Variants in HTRA3 observed in about 807,000 individuals in gnomAD.
The protein encoded by HTRA3 is serine protease HTRA3.
A neutral mutation model predicts 43.2 loss-of-function variants in HTRA3; 41 were observed. The ratio of observed to expected loss-of-function variants is 0.95; its 90% CI spans 0.74 to 1.23. HTRA3 has a LOEUF of 1.23. Ranked by LOEUF, HTRA3 falls within the 50% of genes most tolerant of loss-of-function variation. The pLI is 0.00. For synonymous variants in HTRA3, 295 were observed against 287.9 expected (o/e 1.02, Z -0.25); for missense variants, 628 against 647.1 (o/e 0.97, Z 0.32).
At position 8,291,564 on chromosome 4, in the gene HTRA3, C is replaced by T. The variant is rs763506304; in HGVS notation, c.903C>T (p.Asn301=). The T allele has an allele frequency of 6.3e-6, 10 of 1,578,110 alleles. No individual in the cohort carries two copies. The highest frequency in any genetic ancestry group is 1.9e-4 in the Middle Eastern group (1 of 5,142). ...ACATCCAGACGGATGCCATCATCAA[C>T]GTGAGTCCCAGGGACAGGAGGCCGG... is the stretch of plus-strand genomic sequence containing the variant. ...MDYIQTDAII[N]YGNSGGPLVN... Residue 301 remains asparagine, a splice_region_variant and synonymous_variant, in exon 4 of 9, where the codon AAC becomes AAT. Coordinates refer to ENST00000307358, the MANE Select transcript of HTRA3 (RefSeq NM_053044.5).
In HTRA3 at chr4:8,294,141, G is replaced by T; in HGVS notation, c.991G>T (p.Ala331Ser). 6.2e-7 allele frequency: 1 copy of T among 1,612,750 alleles called. No individual in the cohort carries two copies. The highest frequency in any genetic ancestry group is 8.5e-7 in the Non-Finnish European group (1 of 1,179,414). ...TLKVTAGISF[A>S]IPSDRITRFL... ...CAAGGTCACGGCTGGCATCTCCTTT[G>T]CCATCCCCTCAGACCGCATCACACG... The change falls in exon 6 of 9, where the codon GCC becomes TCC. Residue 331 changes from alanine (A) to serine (S), a missense_variant. By Grantham distance (99) the Ala-to-Ser change is moderately conservative. Coordinates refer to ENST00000307358, the MANE Select transcript of HTRA3 (RefSeq NM_053044.5).
intron 5 of HTRA3, among the ~76,000 whole-genome samples, chr4:8,292,879 C>T (rs1457082333): frequency 2.6e-5 from 4 of 152,116 alleles, no homozygotes; most frequent in Non-Finnish European, 5.9e-5. Context: ...TGTGAACAAG[C>T]CCAAGCACCA....
rs1463942609 is a variant in HTRA3, at chr4:8,295,179, C to T, written c.1051+978C>T. Reference sequence around the variant, plus strand: ...TCCATCCATCCGTCTACCCACCTGTCCCTCTATCCCTGTCCGTCTATTCTT... The same window carrying T: ...TCCATCCATCCGTCTACCCACCTGTTCCTCTATCCCTGTCCGTCTATTCTT... On this transcript the variant is annotated intron_variant, in intron 6 of 8. Transcript: ENST00000307358. This position sits in a 1 kb window ranked among gnomAD's most constrained non-coding sequence, Gnocchi z 6.9. Among the ~76,000 whole-genome samples the T allele has an allele frequency of 6.6e-6, 1 of 152,158 alleles. No homozygotes were observed. The highest frequency in any genetic ancestry group is 1.5e-5 in the Non-Finnish European group (1 of 68,016).
At chr4:8,288,306 C>A (rs1713076930) in intron 3 of HTRA3, among the ~76,000 whole-genome samples, 1 of 152,142 alleles carries the variant, frequency 6.6e-6, no homozygotes, top group South Asian at 2.1e-4. Context: ...GGGGTTTTGC[C>A]CTTGTTGCCC....
At chr4:8,277,834 C>T (rs1370328442) in intron 1 of HTRA3, among the ~76,000 whole-genome samples, 1 of 152,204 alleles carries the variant, frequency 6.6e-6, no homozygotes, top group East Asian at 1.9e-4. Context: ...ACTCATGGCT[C>T]CTCCATCCCC....
chr4:8,270,296 G>A lies in HTRA3; in HGVS notation c.328G>A (p.Ala110Thr), dbSNP rs1578782914. The change falls in exon 1 of 9, where the codon GCG becomes ACG. Residue 110 changes from alanine (A) to threonine (T), a missense_variant. Physicochemically the swap from Ala to Thr is moderately conservative, Grantham distance 58. Transcript: ENST00000307358. ...VCALQAASRR[A>T]LQLSGTPVRQ... ...CGCGCTGCAGGCGGCCAGCCGCCGC[G>A]CGCTGCAGCTCTCCGGGACGCCCGT... 2 of 1,480,502 alleles carry A rather than the reference G, an allele frequency of 1.4e-6. No individual in the cohort carries two copies. Among genetic ancestry groups the A allele is most frequent in the African/African-American group, 1.5e-5 (1 of 68,394 alleles). The allele number at this position is 1,480,502 out of a possible 1,614,324, so 91.7% of individuals were successfully genotyped here. A position where few individuals can be genotyped will look rare whatever the true frequency, so the allele number is the denominator to read the frequency against.
intron 1 of HTRA3, among the ~76,000 whole-genome samples, chr4:8,280,035 A>C (rs539727957): frequency 6.6e-6 from 1 of 152,100 alleles, no homozygotes; most frequent in Non-Finnish European, 1.5e-5. Context: ...TGCCTGGAGG[A>C]GGCAGGATTA....
chr4:8,281,956 C>A (rs373849332), intron 1 of HTRA3, among the ~76,000 whole-genome samples: 4 of 152,232 alleles, frequency 2.6e-5, no homozygotes, highest in Admixed American at 2.0e-4. Context: ...TTCCACTACA[C>A]CCCCGCCTGG....
intron 3 of HTRA3, among the ~76,000 whole-genome samples, chr4:8,288,723 C>T (rs1398339727): frequency 2.6e-5 from 4 of 151,738 alleles, no homozygotes; most frequent in Admixed American, 6.6e-5. Context: ...TAGGTGCATG[C>T]CACCACCCTC....
At chr4:8,299,841 C>CATTTTT (rs1553821600) in intron 6 of HTRA3, among the ~76,000 whole-genome samples, 5 of 140,710 alleles carry the variant, frequency 3.6e-5, no homozygotes, top group African/African-American at 5.3e-5. Context: ...ATGTATTATC[C>CATTTTT]TTTTTTTTTT....
At chr4:8,292,414 C>T in intron 5 of HTRA3, 61 bp downstream of exon 5, 1 of 1,432,888 alleles carries the variant, frequency 7.0e-7, no homozygotes, top group Non-Finnish European at 9.8e-7. Context: ...CATGGGGGTG[C>T]TCAGCCTTGA....
chr4:8,292,503 G>C, intron 5 of HTRA3, 150 bp downstream of exon 5: 1 of 708,604 alleles, frequency 1.4e-6, no homozygotes, highest in Non-Finnish European at 2.3e-6. Context: ...AGGCCTGGAA[G>C]GAGGAAAGAC....
intron 1 of HTRA3, among the ~76,000 whole-genome samples, chr4:8,277,516 C>T (rs541944360): frequency 2.0e-5 from 3 of 152,190 alleles, no homozygotes; most frequent in South Asian, 2.1e-4. Context: ...TGGATCACCA[C>T]GCTTGCAAAG....
chr4:8,304,650 T>TGTG (rs1560144656), intron 8 of HTRA3, among the ~76,000 whole-genome samples: 1 of 72,776 alleles, frequency 1.4e-5, no homozygotes, highest in African/African-American at 5.0e-5. Context: ...ATTGTTTTTT[T>TGTG]TTTTTTTTTT....
intron 5 of HTRA3, among the ~76,000 whole-genome samples, chr4:8,293,595 C>T (rs1713325673): frequency 1.3e-5 from 2 of 152,100 alleles, no homozygotes; most frequent in African/African-American, 4.8e-5. Context: ...CCAAGTGGTA[C>T]CAGCCTCATG....
chr4:8,291,501 G>A lies in HTRA3; in HGVS notation c.840G>A (p.Glu280=). ...GCATCGTCAGCACTGCCCAGCGGGA[G>A]GGCAGGGAGCTGGGCCTCCGGGACT... The part of the protein sequence containing the change: ...TTGIVSTAQR[E]GRELGLRDSD... Residue 280 remains glutamate (E), a synonymous_variant, in exon 4 of 9, where the codon GAG becomes GAA. Coordinates refer to ENST00000307358, the MANE Select transcript of HTRA3 (RefSeq NM_053044.5). The A allele has an allele frequency of 6.2e-7, 1 of 1,612,700 alleles. No homozygotes were observed. Among genetic ancestry groups the A allele is most frequent in the Non-Finnish European group, 8.5e-7 (1 of 1,179,784 alleles).
intron 3 of HTRA3, among the ~76,000 whole-genome samples, chr4:8,287,542 A>G (rs1367210956): frequency 1.3e-5 from 2 of 152,178 alleles, no homozygotes; most frequent in African/African-American, 4.8e-5. Context: ...TTCTCATGGC[A>G]GAGCCGGAGA....
intron 2 of HTRA3, among the ~76,000 whole-genome samples, chr4:8,283,466 T>C (rs551424362): frequency 1.1e-4 from 17 of 152,346 alleles, no homozygotes; most frequent in African/African-American, 3.6e-4. Flanking sequence ...CCTCCCGCTG[T>C]GCAAGCTGCC....
chr4:8,305,241 G>C (rs186058394), intron 8 of HTRA3, among the ~76,000 whole-genome samples: 1 of 152,266 alleles, frequency 6.6e-6, no homozygotes, highest in Non-Finnish European at 1.5e-5. Context: ...GAAGGTGGGA[G>C]GCCCCGCGTG....
Sources: gnomAD v4.1 joint callset for allele counts (sites outside exome capture counted in the v4.1 genomes callset) on GRCh38, gnomAD v4.1.1 for gene constraint, Gnocchi (gnomAD v3.1) non-coding constraint, MANE v1.5 for transcripts, NCBI Gene and HGNC (gene_info 2026-07-23, HGNC 2026-07-21) for gene names.